PTPRD: variants seen among roughly 807,000 people sequenced by gnomAD.
The protein encoded by PTPRD is receptor-type tyrosine-protein phosphatase delta.
In PTPRD, 34 loss-of-function variants were observed where a neutral mutation model predicts 214.5. That is an observed-to-expected ratio of 0.16 (90% CI 0.12 to 0.21). The LOEUF (loss-of-function observed/expected upper bound fraction) is 0.21, where lower values mean the gene tolerates loss of function less well. Among genes scored for constraint, PTPRD ranks in the 10% least tolerant of loss-of-function variants. PTPRD has a pLI of 1.00. For synonymous variants in PTPRD, 1,128 were observed against 845.7 expected, an observed-to-expected ratio of 1.33 and a Z score of -5.79; for missense variants, 2,545 against 2,398.7, an observed-to-expected ratio of 1.06 and a Z score of -1.27.
At chr9:8,653,791 C>T (rs369457240) in intron 12 of PTPRD, among the ~76,000 whole-genome samples, 1 of 152,170 alleles carries the variant, frequency 6.6e-6, no homozygotes, top group Admixed American at 6.5e-5. Flanking sequence ...AAGTCACATC[C>T]TATTCACTGT....
chr9:9,220,479 C>A (rs894744595), intron 9 of PTPRD, among the ~76,000 whole-genome samples: 1 of 151,924 alleles, frequency 6.6e-6, no homozygotes, highest in African/African-American at 2.4e-5. Flanking sequence ...AATTTGCCTC[C>A]TTTGTGCATT....
chr9:9,540,981 A>T (rs2077471926), intron 8 of PTPRD, among the ~76,000 whole-genome samples: 1 of 145,836 alleles, frequency 6.9e-6, no homozygotes, highest in South Asian at 2.1e-4. Context: ...CAGATAGCTG[A>T]AGATATTAAA....
intron 10 of PTPRD, among the ~76,000 whole-genome samples, chr9:9,089,133 G>A (rs1223775800): frequency 6.6e-6 from 1 of 152,176 alleles, no homozygotes; most frequent in South Asian, 2.1e-4. Context: ...GTGTGTGTGT[G>A]TGTTGAGTGG....
chr9:10,329,966 T>C (rs530483777), intron 3 of PTPRD, among the ~76,000 whole-genome samples: 2 of 152,010 alleles, frequency 1.3e-5, no homozygotes, highest in East Asian at 1.9e-4. Flanking sequence ...AAATCTTTTA[T>C]AGATATTTGA....
intron 2 of PTPRD, among the ~76,000 whole-genome samples, chr9:10,535,048 G>A (rs915771591): frequency 1.2e-4 from 19 of 152,180 alleles, no homozygotes; most frequent in African/African-American, 4.1e-4. Flanking sequence ...GTTGTTTACA[G>A]CTGGGGGATG....
At chr9:10,571,720 G>T (rs546908016) in intron 2 of PTPRD, among the ~76,000 whole-genome samples, 1 of 152,256 alleles carries the variant, frequency 6.6e-6, no homozygotes, top group Non-Finnish European at 1.5e-5. Context: ...CCGGGACTGG[G>T]GCAGGGGGAT....
At chr9:8,908,595 A>C (rs938155029) in intron 11 of PTPRD, among the ~76,000 whole-genome samples, 3 of 152,064 alleles carry the variant, frequency 2.0e-5, no homozygotes, top group African/African-American at 7.2e-5. Context: ...AGCTAAAGTA[A>C]TGTTGGAGGC....
At chr9:8,492,086 G>T (rs565365402) in intron 27 of PTPRD, among the ~76,000 whole-genome samples, 11 of 152,218 alleles carry the variant, frequency 7.2e-5, no homozygotes, top group African/African-American at 2.7e-4. Flanking sequence ...TTATTCTTTA[G>T]AGGGGAGTAA....
At chr9:9,182,219 G>T (rs759544690) in intron 10 of PTPRD, among the ~76,000 whole-genome samples, 1 of 152,074 alleles carries the variant, frequency 6.6e-6, no homozygotes, top group Admixed American at 6.6e-5. Context: ...GACTTCAGTG[G>T]TACTGTGATT....
chr9:10,569,013 A>C (rs2066571379), intron 2 of PTPRD, among the ~76,000 whole-genome samples: 1 of 152,152 alleles, frequency 6.6e-6, no homozygotes, highest in African/African-American at 2.4e-5. Flanking sequence ...AAATTTTTAC[A>C]ACCTACTCAC....
intron 5 of PTPRD, among the ~76,000 whole-genome samples, chr9:9,800,935 G>C (rs1332649374): frequency 1.3e-5 from 2 of 152,122 alleles, no homozygotes; most frequent in Admixed American, 1.3e-4. Context: ...TACACGATTA[G>C]TTGAGCTTTT....
intron 11 of PTPRD, among the ~76,000 whole-genome samples, chr9:8,932,428 T>C (rs2098959292): frequency 6.6e-6 from 1 of 152,194 alleles, no homozygotes; most frequent in Admixed American, 6.5e-5. Context: ...CCAGTAGTCA[T>C]TCAGGAGCAG....
intron 2 of PTPRD, among the ~76,000 whole-genome samples, chr9:10,607,364 T>C (rs2079710951): frequency 6.6e-6 from 1 of 151,934 alleles, no homozygotes; most frequent in Non-Finnish European, 1.5e-5. Context: ...TCATTTCTTT[T>C]TGACTGTTTG....
intron 21 of PTPRD, among the ~76,000 whole-genome samples, chr9:8,514,431 T>G (rs772656085): frequency 6.6e-6 from 1 of 152,152 alleles, no homozygotes; most frequent in Non-Finnish European, 1.5e-5. Context: ...GCCAAATTTA[T>G]TTAAATTTAG....
At chr9:9,925,309 C>G (rs758373655) in intron 5 of PTPRD, among the ~76,000 whole-genome samples, 59 of 151,916 alleles carry the variant, frequency 3.9e-4, no homozygotes, top group Non-Finnish European at 8.1e-4. Flanking sequence ...ACATATTTCC[C>G]TCTCCAGAAA....
At chr9:10,278,095 G>C (rs1215949334) in intron 3 of PTPRD, among the ~76,000 whole-genome samples, 1 of 151,546 alleles carries the variant, frequency 6.6e-6, no homozygotes, top group Non-Finnish European at 1.5e-5. Context: ...GGGAGGTGGA[G>C]CGAAGAGCCG....
intron 39 of PTPRD, among the ~76,000 whole-genome samples, chr9:8,360,133 T>C (rs2078107326): frequency 6.6e-6 from 1 of 152,226 alleles, no homozygotes; most frequent in Admixed American, 6.5e-5. Context: ...ATGAGTTGTT[T>C]CTGTAAAAAC....
At position 9,365,449 on chromosome 9, in the gene PTPRD, A is replaced by G. The variant is rs527657465; in HGVS notation, c.-203+32000T>C. ...ATTTTTAACAGAATATTGAAAATAT[A>G]AACAGTTGTTTAACTCATGAATTCC... On this transcript the variant is annotated intron_variant, in intron 9 of 45. Coordinates refer to ENST00000381196, the MANE Select transcript of PTPRD (RefSeq NM_002839.4). 9.9e-5 allele frequency among the ~76,000 whole-genome samples: 15 copies of G among 151,694 alleles called. No individual in the cohort carries two copies. In the South Asian group the frequency reaches 1.0e-3, roughly 10 times the overall value.
In PTPRD at chr9:8,455,764, C is replaced by A. The variant is rs1383776340; in HGVS notation, c.3875+4647G>T. ...AAAAAGAATTCTATATAAATGTTTCCAATTTGCTCACTTTTTAAAATCAGT... is the reference window on the plus strand; with the variant it reads ...AAAAAGAATTCTATATAAATGTTTCAAATTTGCTCACTTTTTAAAATCAGT... On this transcript the variant is annotated intron_variant, in intron 33 of 45. Coordinates refer to ENST00000381196, the MANE Select transcript of PTPRD (RefSeq NM_002839.4). 2.0e-5 allele frequency among the ~76,000 whole-genome samples: 3 copies of A among 152,042 alleles called. No individual in the cohort carries two copies. The East Asian group carries it at 5.8e-4, about 29-fold the overall frequency.
Sources: gnomAD v4.1 joint callset for allele counts (sites outside exome capture counted in the v4.1 genomes callset) on GRCh38, gnomAD v4.1.1 for gene constraint, MANE v1.5 for transcripts, NCBI Gene and HGNC (gene_info 2026-07-23, HGNC 2026-07-21) for gene names.